SIPA1L3: variants seen among roughly 807,000 people sequenced by gnomAD.
SIPA1L3 encodes the protein signal-induced proliferation-associated 1-like protein 3.
SIPA1L3 carries 59 observed loss-of-function variants against 150.1 expected under a neutral mutation model. The ratio of observed to expected loss-of-function variants is 0.39; its 90% confidence interval spans 0.32 to 0.49. The LOEUF (loss-of-function observed/expected upper bound fraction) is 0.49, where lower values mean the gene tolerates loss of function less well. Ranked by LOEUF, SIPA1L3 falls within the 20% of genes least tolerant of loss-of-function variation. The probability of loss-of-function intolerance (pLI) is 0.86; values close to 1 mark genes in which losing one functional copy is unlikely to be tolerated. For missense variants in SIPA1L3, 2,211 were observed against 2,489.5 expected (o/e 0.89, Z 2.38); for synonymous variants, 1,070 against 1,077.6 (o/e 0.99, Z 0.14).
At chr19:37,941,117 C>CACAT (rs1193486938) in intron 1 of SIPA1L3, among the ~76,000 whole-genome samples, 4 of 151,150 alleles carry the variant, frequency 2.6e-5, no homozygotes, top group Admixed American at 1.3e-4. Flanking sequence ...CACACACACA[C>CACAT]ACACACTGTT....
At chr19:37,957,020 A>G (rs1217136353) in intron 1 of SIPA1L3, among the ~76,000 whole-genome samples, 1 of 152,128 alleles carries the variant, frequency 6.6e-6, no homozygotes, top group African/African-American at 2.4e-5. Context: ...TTAATATCCA[A>G]TTATCCCAGC....
At chr19:38,002,259 C>T (rs532985748) in intron 1 of SIPA1L3, among the ~76,000 whole-genome samples, 12 of 152,204 alleles carry the variant, frequency 7.9e-5, no homozygotes, top group East Asian at 3.9e-4. Flanking sequence ...ATGAGATTGA[C>T]GAATGTAAGT....
At chr19:37,985,315 G>A (rs1231740173) in intron 1 of SIPA1L3, among the ~76,000 whole-genome samples, 1 of 151,580 alleles carries the variant, frequency 6.6e-6, no homozygotes. Context: ...TCCCACCTCA[G>A]CCTCCTGATT....
chr19:37,973,234 TC>T (rs147146872), intron 1 of SIPA1L3, among the ~76,000 whole-genome samples: 2 of 130,588 alleles, frequency 1.5e-5, no homozygotes, highest in East Asian at 2.9e-4. Context: ...AAAAAGCGCA[TC>T]TTTTTTTTTT....
At chr19:38,176,895 T>C (rs1229097472) in intron 15 of SIPA1L3, among the ~76,000 whole-genome samples, 1 of 151,502 alleles carries the variant, frequency 6.6e-6, no homozygotes, top group African/African-American at 2.4e-5. Flanking sequence ...CGCTTGAACC[T>C]GGGAGGCGGA....
intron 6 of SIPA1L3, among the ~76,000 whole-genome samples, chr19:38,104,522 G>C (rs1970576836): frequency 6.6e-6 from 1 of 152,200 alleles, no homozygotes; most frequent in Admixed American, 6.5e-5. Context: ...GCCTCCCTGG[G>C]CTCACCTGGC....
At chr19:38,015,199 G>A (rs968528399) in intron 1 of SIPA1L3, among the ~76,000 whole-genome samples, 10 of 152,144 alleles carry the variant, frequency 6.6e-5, no homozygotes, top group African/African-American at 1.4e-4. Context: ...TGGCTTATAC[G>A]TATATATGTC....
At chr19:38,145,438 C>G (rs898296734) in intron 12 of SIPA1L3, among the ~76,000 whole-genome samples, 6 of 149,894 alleles carry the variant, frequency 4.0e-5, no homozygotes, top group African/African-American at 1.2e-4. Flanking sequence ...GAGGCTGAAG[C>G]GAGAGAATCG....
chr19:37,948,240 T>C (rs537987880), intron 1 of SIPA1L3, among the ~76,000 whole-genome samples: 2 of 152,238 alleles, frequency 1.3e-5, no homozygotes, highest in South Asian at 2.1e-4. Flanking sequence ...GTGGATTAAA[T>C]TGGTTTATGT....
chr19:37,946,028 G>A (rs975877200), intron 1 of SIPA1L3, among the ~76,000 whole-genome samples: 6 of 151,974 alleles, frequency 3.9e-5, no homozygotes, highest in Non-Finnish European at 5.9e-5. Flanking sequence ...GGTGGCAAGC[G>A]CCTGTAATCC....
intron 2 of SIPA1L3, among the ~76,000 whole-genome samples, chr19:38,045,577 A>G (rs1450344841): frequency 6.6e-6 from 1 of 152,070 alleles, no homozygotes; most frequent in Admixed American, 6.5e-5. Context: ...GTCTCAGGAA[A>G]AAAAGAAAGA....
intron 19 of SIPA1L3, among the ~76,000 whole-genome samples, chr19:38,198,928 T>G (rs770413478): frequency 9.2e-5 from 14 of 152,100 alleles, no homozygotes; most frequent in Non-Finnish European, 1.5e-4. Context: ...CTGCACTCAC[T>G]GCACTCCAGC....
intron 9 of SIPA1L3, among the ~76,000 whole-genome samples, chr19:38,125,944 C>G (rs1036847823): frequency 6.6e-6 from 1 of 152,110 alleles, no homozygotes; most frequent in African/African-American, 2.4e-5. Flanking sequence ...AAGGCCGAGG[C>G]GGGTGGATCA....
chr19:38,151,961 C>CAAAAAAA (rs35851181), intron 12 of SIPA1L3, among the ~76,000 whole-genome samples: 3 of 86,122 alleles, frequency 3.5e-5, no homozygotes, highest in Admixed American at 1.4e-4. Flanking sequence ...GACCCCATCT[C>CAAAAAAA]AAAAAAAAAA....
intron 1 of SIPA1L3, among the ~76,000 whole-genome samples, chr19:37,916,493 TAAAAAAA>T (rs911159767): frequency 5.5e-5 from 5 of 90,792 alleles, no homozygotes; most frequent in African/African-American, 2.2e-4. Flanking sequence ...ACTCTGTGTC[TAAAAAAA>T]AAAAAAAAAA....
At chr19:38,057,443 CT>C (rs1244815838) in intron 2 of SIPA1L3, among the ~76,000 whole-genome samples, 3 of 151,734 alleles carry the variant, frequency 2.0e-5, no homozygotes, top group Non-Finnish European at 4.4e-5. Flanking sequence ...TCTTTCCTGT[CT>C]TTTTTTCTGG....
At chr19:38,153,168 A>C (rs901330434) in intron 13 of SIPA1L3, among the ~76,000 whole-genome samples, 1 of 152,242 alleles carries the variant, frequency 6.6e-6, no homozygotes, top group Admixed American at 6.5e-5. Context: ...CCGTCCAGAC[A>C]GGGCATCGGC....
At chr19:37,976,685 C>T (rs979562785) in intron 1 of SIPA1L3, among the ~76,000 whole-genome samples, 2 of 151,998 alleles carry the variant, frequency 1.3e-5, no homozygotes, top group Non-Finnish European at 2.9e-5. Context: ...ATCAGTTTGT[C>T]GGCTATAAGA....
At chr19:38,120,235 G>A (rs1174257634) in intron 9 of SIPA1L3, among the ~76,000 whole-genome samples, 1 of 152,052 alleles carries the variant, frequency 6.6e-6, no homozygotes, top group Non-Finnish European at 1.5e-5. Context: ...GGCTGAGGTG[G>A]TGGATCGCTT....
Sources: allele counts gnomAD v4.1 joint callset (sites outside exome capture counted in the v4.1 genomes callset), GRCh38; gene constraint gnomAD v4.1.1; transcripts MANE v1.5; gene names NCBI Gene and HGNC (gene_info 2026-07-23, HGNC 2026-07-21).